FOXK1: variants seen among roughly 807,000 people sequenced by gnomAD.
FOXK1 encodes the protein forkhead box K1, also known as forkhead box protein K1.
In FOXK1, 19 loss-of-function variants were observed where a neutral mutation model predicts 51.9. That is an observed-to-expected ratio of 0.37 (90% CI 0.26 to 0.54). The LOEUF is 0.54. FOXK1 is among the 20% of genes least tolerant of loss of function. The pLI, the probability that FOXK1 is intolerant of heterozygous loss-of-function variation, is 0.87. For missense variants in FOXK1, 870 were observed against 1,032.7 expected (o/e 0.84, Z 2.16); for synonymous variants, 537 against 482.6 (o/e 1.11, Z -1.48).
At chr7:4,696,442 G>A (rs531297477) in intron 1 of FOXK1, among the ~76,000 whole-genome samples, 1 of 152,176 alleles carries the variant, frequency 6.6e-6, no homozygotes, top group African/African-American at 2.4e-5. Flanking sequence ...CGCGTGACAT[G>A]TCTGTCGTCT....
At position 4,740,338 on chromosome 7, in the gene FOXK1, G is replaced by A. The variant is rs898441358; in HGVS notation, c.561-500G>A. Among the ~76,000 whole-genome samples, 15 of 152,150 alleles carry A rather than the reference G, an allele frequency of 9.9e-5. 1 individual carries two copies. The highest frequency in any genetic ancestry group is 8.5e-4 in the Admixed American group (13 of 15,270). On this transcript the variant is annotated intron_variant, in intron 1 of 8. Coordinates refer to ENST00000328914, the MANE Select transcript of FOXK1 (RefSeq NM_001037165.2). ...CCAGCTACTCGGGAGGCTGAGGCAG[G>A]AGAATGGTGTGAACCCAGGAGGCGG...
At chr7:4,694,796 C>T (rs553122184) in intron 1 of FOXK1, among the ~76,000 whole-genome samples, 1 of 152,322 alleles carries the variant, frequency 6.6e-6, no homozygotes, top group South Asian at 2.1e-4. Flanking sequence ...GAGACCGTCT[C>T]ATTCCCCAAA....
Position 4,682,887 on chromosome 7 carries a change from C to G in FOXK1, c.560+19C>G. ...CCAAGCAGTGAGTGGCCCCGCGACC[C>G]CCGCCGCCCGCACCCGGGGCTCGCC... is the stretch of plus-strand genomic sequence containing the variant. On this transcript the variant is annotated intron_variant, in intron 1 of 8. Transcript: ENST00000328914. This position sits in a 1 kb window ranked among gnomAD's most constrained non-coding sequence, Gnocchi z 7.6. 6.9e-7 allele frequency: 1 copy of G among 1,441,146 alleles called. No homozygotes were observed. 89.3% of individuals were successfully genotyped at this position (1,441,146 alleles called of 1,614,324 possible).
Position 4,755,123 on chromosome 7 carries a change from G to T in FOXK1, c.904-114G>T. The T allele has an allele frequency of 7.3e-7, 1 of 1,365,354 alleles. No individual in the cohort carries two copies. Among genetic ancestry groups the T allele is most frequent in the South Asian group, 1.4e-5 (1 of 72,580 alleles). The allele number at this position is 1,365,354 out of a possible 1,614,324, so 84.6% of individuals were successfully genotyped here. A position where few individuals can be genotyped will look rare whatever the true frequency, so the allele number is the denominator to read the frequency against. On this transcript the variant is annotated intron_variant, in intron 3 of 8. Transcript: ENST00000328914. The surrounding 1 kb of genome is among the most constrained non-coding windows in gnomAD (Gnocchi z 6.6). ...GTTGGAGGGCACTGGGACGGGTGCC[G>T]GCAAGACGCGCACATTCTCGTGGGA...
At chr7:4,695,948 A>G (rs1779945983) in intron 1 of FOXK1, among the ~76,000 whole-genome samples, 2 of 151,310 alleles carry the variant, frequency 1.3e-5, no homozygotes, top group Non-Finnish European at 2.9e-5. Context: ...AAAAAAAAAA[A>G]AAAAAATTCC....
In FOXK1 at chr7:4,738,959, C is replaced by T. The variant is rs146546006; in HGVS notation, c.561-1879C>T. Among the ~76,000 whole-genome samples the T allele has an allele frequency of 1.8e-3, 281 of 152,238 alleles. 2 individuals carry two copies. Among genetic ancestry groups the T allele is most frequent in the Non-Finnish European group, 3.0e-3 (202 of 68,014 alleles). The stretch of plus-strand genomic sequence containing the variant: ...TTGAAGCGGGTCCCTGGGAAGAAGA[C>T]GCAAGAGGACCCCCTGCCGACAGCC... On this transcript the variant is annotated intron_variant, in intron 1 of 8. Transcript: ENST00000328914.
intron 1 of FOXK1, among the ~76,000 whole-genome samples, chr7:4,705,058 C>T (rs1457468978): frequency 6.6e-6 from 1 of 151,918 alleles, no homozygotes. Context: ...TCTCGAACTC[C>T]TGACCTCAGG....
rs1780039350 is a variant in FOXK1 at position 4,703,007 on chromosome 7, C to A, written c.560+20139C>A. Among the ~76,000 whole-genome samples the A allele has an allele frequency of 6.6e-6, 1 of 152,172 alleles. No homozygotes were observed. Among genetic ancestry groups the A allele is most frequent in the South Asian group, 2.1e-4 (1 of 4,830 alleles). ...CCTCCTGAGCTCCTGGCCTGTGTCT[C>A]CACCTAAAAGGCCGTCCTCAGCTCC... is the stretch of plus-strand genomic sequence containing the variant. On this transcript the variant is annotated intron_variant, in intron 1 of 8. Coordinates refer to ENST00000328914, the MANE Select transcript of FOXK1 (RefSeq NM_001037165.2). This position sits in a 1 kb window ranked among gnomAD's most constrained non-coding sequence, Gnocchi z 5.6.
chr7:4,746,412 G>C (rs941247270), intron 2 of FOXK1, among the ~76,000 whole-genome samples: 3 of 152,120 alleles, frequency 2.0e-5, no homozygotes, highest in African/African-American at 7.2e-5. Flanking sequence ...AAAGTTTCTG[G>C]TTGGCTGGGT....
chr7:4,720,930 AAACTC>A (rs1479639188), intron 1 of FOXK1, among the ~76,000 whole-genome samples: 2 of 151,808 alleles, frequency 1.3e-5, no homozygotes, highest in African/African-American at 2.4e-5. Flanking sequence ...AAGAAAAAAA[AAACTC>A]AACACACGTG....
At chr7:4,687,062 A>G (rs1324147093) in intron 1 of FOXK1, among the ~76,000 whole-genome samples, 1 of 150,666 alleles carries the variant, frequency 6.6e-6, no homozygotes, top group African/African-American at 2.5e-5. Flanking sequence ...CCTCCCGAGT[A>G]CCTGGGACTA....
chr7:4,727,801 C>T (rs992758614), intron 1 of FOXK1, among the ~76,000 whole-genome samples: 5 of 152,220 alleles, frequency 3.3e-5, no homozygotes, highest in Non-Finnish European at 7.3e-5. Flanking sequence ...CCAGAGTAAA[C>T]GAGATTATAA....
In FOXK1 at chr7:4,683,462, G is replaced by C. The variant is rs2115024958; in HGVS notation, c.560+594G>C. On this transcript the variant is annotated intron_variant, in intron 1 of 8. Coordinates refer to ENST00000328914, the MANE Select transcript of FOXK1 (RefSeq NM_001037165.2). This position sits in a 1 kb window ranked among gnomAD's most constrained non-coding sequence, Gnocchi z 4.5. Reference sequence around the variant, plus strand: ...TCACCCCTGACCGCTAACCCCACAAGCCTGGGCTCGCAGGGCCACTCCCAC... The same window carrying C: ...TCACCCCTGACCGCTAACCCCACAACCCTGGGCTCGCAGGGCCACTCCCAC... Among the ~76,000 whole-genome samples the C allele has an allele frequency of 1.3e-5, 2 of 151,396 alleles. No individual in the cohort carries two copies. The highest frequency in any genetic ancestry group is 1.3e-4 in the Admixed American group (2 of 15,214).
chr7:4,704,450 C>CAAAAA (rs3050383), intron 1 of FOXK1, among the ~76,000 whole-genome samples: 42 of 64,888 alleles, frequency 6.5e-4, no homozygotes, highest in East Asian at 3.2e-3. Context: ...GACTCTGTCT[C>CAAAAA]AAAAAAAAAA....
intron 1 of FOXK1, among the ~76,000 whole-genome samples, chr7:4,687,396 G>A (rs1197912523): frequency 6.6e-6 from 1 of 151,676 alleles, no homozygotes; most frequent in South Asian, 2.1e-4. Flanking sequence ...AGGTTCAAGC[G>A]ATTCTCCTGC....
intron 1 of FOXK1, among the ~76,000 whole-genome samples, chr7:4,727,185 C>A (rs577087613): frequency 6.6e-6 from 1 of 152,286 alleles, no homozygotes; most frequent in South Asian, 2.1e-4. Context: ...CTCCTGGCCT[C>A]AAGTGATCCT....
chr7:4,750,214 C>G (rs1480775060), intron 2 of FOXK1, among the ~76,000 whole-genome samples: 1 of 152,182 alleles, frequency 6.6e-6, no homozygotes, highest in Non-Finnish European at 1.5e-5. Flanking sequence ...TTGATTCCCG[C>G]GACGTCTGTG....
Position 4,749,648 on chromosome 7 carries a change from C to T in FOXK1, c.747-4811C>T, listed in dbSNP as rs1026022299. Among the ~76,000 whole-genome samples the T allele has an allele frequency of 7.2e-5, 11 of 152,224 alleles. No individual in the cohort carries two copies. Among genetic ancestry groups the T allele is most frequent in the African/African-American group, 2.4e-4 (10 of 41,460 alleles). ...AGGTCCCTTCTGACAGAGCACTGTC[C>T]TCCCTGGGCCTGCCGGAAGCGATAA... On this transcript the variant is annotated intron_variant, in intron 2 of 8. Transcript: ENST00000328914. The surrounding 1 kb of genome is among the most constrained non-coding windows in gnomAD (Gnocchi z 6.0).
At chr7:4,704,464 A>AG (rs1274660431) in intron 1 of FOXK1, among the ~76,000 whole-genome samples, 5 of 151,678 alleles carry the variant, frequency 3.3e-5, no homozygotes, top group South Asian at 2.1e-4. Flanking sequence ...AAAAAAAAAA[A>AG]AAAAGAAAAG....
Sources: gnomAD v4.1 joint callset for allele counts (sites outside exome capture counted in the v4.1 genomes callset) on GRCh38, gnomAD v4.1.1 for gene constraint, Gnocchi (gnomAD v3.1) non-coding constraint, MANE v1.5 for transcripts, NCBI Gene and HGNC (gene_info 2026-07-23, HGNC 2026-07-21) for gene names.